NARF: variants seen among roughly 807,000 people sequenced by gnomAD.
NARF encodes the protein nuclear prelamin A recognition factor.
Under a neutral mutation model 48.0 loss-of-function variants are expected in NARF, and 41 were observed. The observed-to-expected ratio is 0.85, with a 90% CI of 0.66 to 1.11. The LOEUF is 1.11. Ranked by LOEUF, NARF falls within the 50% of genes least tolerant of loss-of-function variation. The pLI is 0.00. For synonymous variants in NARF, 215 were observed against 225.5 expected (o/e 0.95, Z 0.42); for missense variants, 613 against 590.2 (o/e 1.04, Z -0.40).
At chr17:82,468,634 G>T (rs1052366824) in intron 3 of NARF, 130 bp from the exon 4 acceptor site, 1 of 835,552 alleles carries the variant, frequency 1.2e-6, no homozygotes, top group Non-Finnish European at 1.8e-6. Flanking sequence ...ATGTTTGCCA[G>T]TGTTTGTCTA....
In NARF at chr17:82,487,963, G is replaced by C; in HGVS notation, c.1177G>C (p.Asp393His). 6.2e-7 allele frequency: 1 copy of C among 1,614,232 alleles called. No homozygotes were observed. Among genetic ancestry groups the C allele is most frequent in the Non-Finnish European group, 8.5e-7 (1 of 1,180,044 alleles). Reference sequence around the variant, plus strand: ...AGCCCAGACTCCAGACGGACATGCGGATAAGGCCCTGCTGCGGCAGATGGA... The same window carrying C: ...AGCCCAGACTCCAGACGGACATGCGCATAAGGCCCTGCTGCGGCAGATGGA... ...GQAQTPDGHADKALLRQMEGI... is the reference protein window; with the variant it reads ...GQAQTPDGHAHKALLRQMEGI... Residue 393 changes from aspartate (D) to histidine (H), a missense_variant, in exon 11 of 11, where the codon GAT becomes CAT. Asp to His is a moderately conservative substitution (Grantham distance 81). Transcript: ENST00000309794.
In NARF at chr17:82,468,847, C is replaced by T. The variant is rs778126749; in HGVS notation, c.336C>T (p.Leu112=). ...CTTATTTTGCTGCTAAATTCAACCTCAGTGTAACTGATGCATCCAGAAGAC... is the reference window on the plus strand; with the variant it reads ...CTTATTTTGCTGCTAAATTCAACCTTAGTGTAACTGATGCATCCAGAAGAC... ...SLPYFAAKFN[L]SVTDASRRLC... is the part of the protein sequence containing the mutation. The change falls in exon 4 of 11, where the codon CTC becomes CTT. Residue 112 remains leucine, a synonymous_variant. Transcript: ENST00000309794. The T allele has an allele frequency of 6.2e-7, 1 of 1,614,148 alleles. No individual in the cohort carries two copies. Among genetic ancestry groups the T allele is most frequent in the East Asian group, 2.2e-5 (1 of 44,884 alleles).
intron 4 of NARF, 141 bp downstream of exon 4, chr17:82,469,037 C>A: frequency 1.1e-6 from 1 of 929,678 alleles, no homozygotes; most frequent in Non-Finnish European, 1.6e-6. Flanking sequence ...AAGACCATGT[C>A]CCGTGTGTCA....
intron 4 of NARF, among the ~76,000 whole-genome samples, chr17:82,471,791 C>CAAAAAAAAAAAAAAAAAAAAAAAAAA (rs58302009): frequency 1.5e-5 from 1 of 64,586 alleles, no homozygotes; most frequent in African/African-American, 6.1e-5. Flanking sequence ...GACTCCGTCT[C>CAAAAAAAAAAAAAAAAAAAAAAAAAA]AAAAAAAAAA....
At chr17:82,465,907 C>G (rs1381035701) in intron 3 of NARF, among the ~76,000 whole-genome samples, 1 of 152,172 alleles carries the variant, frequency 6.6e-6, no homozygotes, top group Non-Finnish European at 1.5e-5. Context: ...CTCTGTGTTG[C>G]CAGCATTAGT....
At position 82,458,763 on chromosome 17, in the gene NARF, C is replaced by G. The variant is rs764776828; in HGVS notation, c.-41C>G. ...GGTGTCCCAGTCTCCCGGTGCTTCC[C>G]TGAGGCTGAGGCGCCCGGCCTCCCG... On this transcript the variant is annotated 5_prime_UTR_variant, in exon 1 of 11. Coordinates refer to ENST00000309794, the MANE Select transcript of NARF (RefSeq NM_012336.4). 2 of 1,472,594 alleles carry G rather than the reference C, an allele frequency of 1.4e-6. No individual in the cohort carries two copies. Among genetic ancestry groups the G allele is most frequent in the Non-Finnish European group, 1.8e-6 (2 of 1,117,892 alleles). 91.2% of individuals were successfully genotyped at this position (1,472,594 alleles called of 1,614,324 possible). A position where few individuals can be genotyped will look rare whatever the true frequency, so the allele number is the denominator to read the frequency against.
chr17:82,486,391 T>G lies in NARF; in HGVS notation c.1129+737T>G, dbSNP rs576593078. Among the ~76,000 whole-genome samples, 7 of 152,094 alleles carry G rather than the reference T, an allele frequency of 4.6e-5. No homozygotes were observed. In the East Asian group the frequency reaches 1.4e-3, roughly 30 times the overall value. On this transcript the variant is annotated intron_variant, in intron 10 of 10. Coordinates refer to ENST00000309794, the MANE Select transcript of NARF (RefSeq NM_012336.4). Reference sequence around the variant, plus strand: ...GTGGAAATGCCGGGTGCAGGTCAGTTGGAGGAGCGGCTCCACTGATGTTAG... The same window carrying G: ...GTGGAAATGCCGGGTGCAGGTCAGTGGGAGGAGCGGCTCCACTGATGTTAG...
At chr17:82,459,916 A>T (rs1393984585) in intron 1 of NARF, 76 bp from the exon 2 acceptor site, 2 of 1,054,568 alleles carry the variant, frequency 1.9e-6, no homozygotes, top group Non-Finnish European at 2.9e-6. Flanking sequence ...CATGAGCTTC[A>T]TTGGTCAGAA....
intron 4 of NARF, among the ~76,000 whole-genome samples, chr17:82,469,416 C>T (rs2043645984): frequency 6.6e-6 from 1 of 152,140 alleles, no homozygotes; most frequent in Admixed American, 6.5e-5. Flanking sequence ...AATAGTACTA[C>T]CTGAAATGTT....
rs1025330723 is a variant in NARF at position 82,488,607 on chromosome 17, T to C, written c.*450T>C. 6 of 162,148 alleles carry C rather than the reference T, an allele frequency of 3.7e-5. No homozygotes were observed. In the East Asian group the frequency reaches 8.9e-4, roughly 24 times the overall value. The allele number at this position is 162,148 out of a possible 1,614,324, so 10.0% of individuals were successfully genotyped here. A position where few individuals can be genotyped will look rare whatever the true frequency, so the allele number is the denominator to read the frequency against. On this transcript the variant is annotated 3_prime_UTR_variant, in exon 11 of 11. Coordinates refer to ENST00000309794, the MANE Select transcript of NARF (RefSeq NM_012336.4). ...CCAGGCTGGTATTGAATTCCTGACC[T>C]CCTGATCCACCCGCCTTGGCCTCCC...
At chr17:82,480,934 A>AG in intron 6 of NARF, 148 bp from the exon 7 acceptor site, 4 of 902,704 alleles carry the variant, frequency 4.4e-6, no homozygotes, top group Non-Finnish European at 6.3e-6. Flanking sequence ...CCATTTCAAA[A>AG]AAAAAAAAAA....
intron 5 of NARF, among the ~76,000 whole-genome samples, chr17:82,474,354 T>G (rs1293750473): frequency 6.6e-6 from 1 of 152,210 alleles, no homozygotes. Flanking sequence ...TAAACCACTC[T>G]TTAATTGGTT....
Position 82,488,468 on chromosome 17 carries a change from C to A in NARF, c.*311C>A. 3.8e-6 allele frequency: 1 copy of A among 261,920 alleles called. No homozygotes were observed. The allele number at this position is 261,920 out of a possible 1,614,324, so 16.2% of individuals were successfully genotyped here. ...TCAGCTCACTGCAACCTCTGCCTCC[C>A]GGGTTCAAGCGATTCTCTTGCCCCA... On this transcript the variant is annotated 3_prime_UTR_variant, in exon 11 of 11. Coordinates refer to ENST00000309794, the MANE Select transcript of NARF (RefSeq NM_012336.4).
intron 1 of NARF, chr17:82,459,187 C>G: frequency 6.5e-6 from 7 of 1,069,288 alleles, no homozygotes; most frequent in Non-Finnish European, 7.9e-6. Flanking sequence ...CGTTTTCGAA[C>G]CTGCCCCTCT....
rs140900394 is a variant in NARF, at chr17:82,487,479, G to A, written c.1130-437G>A. Among the ~76,000 whole-genome samples the A allele has an allele frequency of 4.2e-3, 575 of 136,484 alleles. 9 individuals carry two copies. The highest frequency in any genetic ancestry group is 0.015 in the African/African-American group (555 of 36,178). The allele number at this position is 136,484 out of a possible 152,430, so 89.5% of individuals were successfully genotyped here. ...AGCCTGACCAATGGAGAGAGACTCTGTCTCGAAAAAAAAAAAAAAGAAGAA... is the reference window on the plus strand; with the variant it reads ...AGCCTGACCAATGGAGAGAGACTCTATCTCGAAAAAAAAAAAAAAGAAGAA... On this transcript the variant is annotated intron_variant, in intron 10 of 10. Transcript: ENST00000309794.
At chr17:82,460,239 C>T (rs749295561) in intron 2 of NARF, 167 bp downstream of exon 2, 20 of 528,088 alleles carry the variant, frequency 3.8e-5, no homozygotes, top group South Asian at 1.4e-4. Context: ...CCGAGGTGGA[C>T]GGATCACTTG....
At chr17:82,481,237 G>T in intron 7 of NARF, 26 bp downstream of exon 7, 1 of 1,612,176 alleles carries the variant, frequency 6.2e-7, no homozygotes. Flanking sequence ...GGGTGCACCT[G>T]GGCGCTGGGG....
chr17:82,479,656 A>G (rs2043915708), intron 6 of NARF, among the ~76,000 whole-genome samples: 1 of 152,200 alleles, frequency 6.6e-6, no homozygotes, highest in Admixed American at 6.5e-5. Flanking sequence ...GGAAGCAGCC[A>G]TGTCCAGGCA....
intron 6 of NARF, chr17:82,480,309 ACACT>A (rs1555629562): frequency 5.5e-5 from 22 of 398,574 alleles, no homozygotes; most frequent in Middle Eastern, 6.2e-4. Context: ...ACACACACAC[ACACT>A]CACTCAGGCC....
Sources: allele counts gnomAD v4.1 joint callset (sites outside exome capture counted in the v4.1 genomes callset), GRCh38; gene constraint gnomAD v4.1.1; transcripts MANE v1.5; gene names NCBI Gene and HGNC (gene_info 2026-07-23, HGNC 2026-07-21).